Variants in AFAP1 observed in about 807,000 individuals in gnomAD.
The protein encoded by AFAP1 is actin filament-associated protein 1.
A neutral mutation model predicts 93.9 loss-of-function variants in AFAP1; 75 were observed. That is an observed-to-expected ratio of 0.80 (90% confidence interval 0.66 to 0.97). The LOEUF (loss-of-function observed/expected upper bound fraction) is 0.97. AFAP1 is among the 50% of genes least tolerant of loss of function. The pLI is 0.00. For synonymous variants in AFAP1, 517 were observed against 430.7 expected (o/e 1.20, Z -2.48); for missense variants, 1,201 against 1,050.8 (o/e 1.14, Z -1.98).
chr4:7,829,675 T>C (rs1479655404), intron 6 of AFAP1, among the ~76,000 whole-genome samples: 1 of 152,214 alleles, frequency 6.6e-6, no homozygotes, highest in East Asian at 1.9e-4. Flanking sequence ...GATACCATCC[T>C]TCCACATCAG....
chr4:7,783,872 G>T (rs146277101), intron 12 of AFAP1, among the ~76,000 whole-genome samples: 49 of 152,302 alleles, frequency 3.2e-4, no homozygotes, highest in Admixed American at 8.5e-4. Flanking sequence ...AGGGTCTTTG[G>T]GGGGGACGGG....
intron 1 of AFAP1, among the ~76,000 whole-genome samples, chr4:7,892,212 G>T (rs960650375): frequency 1.3e-5 from 2 of 152,148 alleles, no homozygotes; most frequent in Admixed American, 6.5e-5. Flanking sequence ...GACAAAAGAG[G>T]CTCCGGCACC....
chr4:7,911,664 G>C (rs1208866044), intron 1 of AFAP1, among the ~76,000 whole-genome samples: 1 of 152,140 alleles, frequency 6.6e-6, no homozygotes, highest in Admixed American at 6.5e-5. Flanking sequence ...AGAATATCCA[G>C]CTAGTATTAG....
At chr4:7,860,109 T>TC (rs1347862878) in intron 3 of AFAP1, among the ~76,000 whole-genome samples, 1 of 152,156 alleles carries the variant, frequency 6.6e-6, no homozygotes, top group Non-Finnish European at 1.5e-5. Flanking sequence ...TGCATTGCAC[T>TC]CCAGCCTGGG....
chr4:7,870,423 G>A (rs1208588371), intron 2 of AFAP1, among the ~76,000 whole-genome samples: 2 of 152,160 alleles, frequency 1.3e-5, no homozygotes, highest in African/African-American at 4.8e-5. Context: ...ACTTTTGGAG[G>A]CCGAGGCAGG....
At position 7,800,609 on chromosome 4, in the gene AFAP1, A is replaced by C. The variant is rs1450549402; in HGVS notation, c.1099T>G (p.Cys367Gly). The change falls in exon 10 of 18, where the codon TGC (cysteine) becomes GGC (glycine). Residue 367 changes from cysteine to glycine, a missense_variant. Physicochemically the swap from Cys to Gly is radical, Grantham distance 159. Transcript: ENST00000420658. ...LSNSRWRERW[C>G]RVKDNKLIFH... The stretch of plus-strand genomic sequence containing the variant: ...ATGAGCTTGTTATCTTTCACTCGGC[A>C]CCAGCGCTCTCGCCAGCGGCTGTTG... 1.2e-6 allele frequency: 2 copies of C among 1,614,188 alleles called. No individual in the cohort carries two copies. The highest frequency in any genetic ancestry group is 2.2e-5 in the South Asian group (2 of 91,082).
At chr4:7,858,704 A>G (rs1284079407) in intron 3 of AFAP1, among the ~76,000 whole-genome samples, 1 of 152,176 alleles carries the variant, frequency 6.6e-6, no homozygotes, top group African/African-American at 2.4e-5. Context: ...AGCCACTCAC[A>G]TCCAAGGCTG....
intron 6 of AFAP1, among the ~76,000 whole-genome samples, chr4:7,823,868 G>C (rs1019609453): frequency 2.6e-5 from 4 of 152,200 alleles, no homozygotes; most frequent in Admixed American, 6.5e-5. Flanking sequence ...GCCCAGCAAG[G>C]GGGTGGCTCA....
chr4:7,865,532 C>T (rs752039944), intron 3 of AFAP1, among the ~76,000 whole-genome samples: 8 of 152,150 alleles, frequency 5.3e-5, no homozygotes, highest in Non-Finnish European at 8.8e-5. Flanking sequence ...TTGCCATAAC[C>T]ATTTTCCTAC....
chr4:7,876,157 G>A (rs910722698), intron 1 of AFAP1, among the ~76,000 whole-genome samples: 6 of 152,156 alleles, frequency 3.9e-5, no homozygotes, highest in African/African-American at 1.4e-4. Flanking sequence ...AGGATGCATC[G>A]ATCCTAACTT....
At chr4:7,769,253 G>T (rs541569141) in intron 16 of AFAP1, among the ~76,000 whole-genome samples, 1 of 152,220 alleles carries the variant, frequency 6.6e-6, no homozygotes, top group South Asian at 2.1e-4. Context: ...ACTCCCGGCT[G>T]TGCCTGGGAA....
intron 1 of AFAP1, among the ~76,000 whole-genome samples, chr4:7,918,818 C>G (rs546418821): frequency 8.2e-6 from 1 of 121,482 alleles, no homozygotes; most frequent in Non-Finnish European, 1.6e-5. Flanking sequence ...AAGAGACACT[C>G]GGCCCAGGTC....
At chr4:7,831,700 AGAG>A (rs1212092015) in intron 6 of AFAP1, among the ~76,000 whole-genome samples, 2 of 152,232 alleles carry the variant, frequency 1.3e-5, no homozygotes, top group African/African-American at 4.8e-5. Context: ...CTGTAAGGAC[AGAG>A]GAGAAAAAGA....
At chr4:7,908,714 C>G (rs1205497244) in intron 1 of AFAP1, among the ~76,000 whole-genome samples, 1 of 152,184 alleles carries the variant, frequency 6.6e-6, no homozygotes, top group Non-Finnish European at 1.5e-5. Flanking sequence ...ATAGAAGGAA[C>G]AGGCTAGATT....
At chr4:7,840,548 A>G (rs1043579119) in intron 5 of AFAP1, among the ~76,000 whole-genome samples, 1 of 152,046 alleles carries the variant, frequency 6.6e-6, no homozygotes, top group Non-Finnish European at 1.5e-5. Flanking sequence ...TCCTGACTTC[A>G]TGATCCGCCC....
intron 16 of AFAP1, among the ~76,000 whole-genome samples, chr4:7,770,705 C>T (rs533887753): frequency 5.9e-5 from 9 of 152,122 alleles, no homozygotes; most frequent in African/African-American, 1.9e-4. Flanking sequence ...AGGATGAGAT[C>T]GAGGCACTGA....
At chr4:7,927,676 A>G (rs1475620063) in intron 1 of AFAP1, among the ~76,000 whole-genome samples, 2 of 152,222 alleles carry the variant, frequency 1.3e-5, no homozygotes, top group African/African-American at 2.4e-5. Context: ...TTGTTTGTGT[A>G]ACATATATGT....
At chr4:7,849,383 T>G (rs1031488958) in intron 4 of AFAP1, among the ~76,000 whole-genome samples, 1 of 152,040 alleles carries the variant, frequency 6.6e-6, no homozygotes, top group African/African-American at 2.4e-5. Flanking sequence ...AAATTCAGCA[T>G]AGAAAAATCA....
intron 10 of AFAP1, among the ~76,000 whole-genome samples, chr4:7,794,225 G>C: frequency 6.6e-6 from 1 of 152,232 alleles, no homozygotes; most frequent in East Asian, 1.9e-4. Context: ...TGGGAAGCGT[G>C]ACCAAGCTCC....
Sources: gnomAD v4.1 joint callset for allele counts (sites outside exome capture counted in the v4.1 genomes callset) on GRCh38, gnomAD v4.1.1 for gene constraint, MANE v1.5 for transcripts, NCBI Gene and HGNC (gene_info 2026-07-23, HGNC 2026-07-21) for gene names.